The following ERVV-2 variants were observed in gnomAD, a reference collection of about 807,000 sequenced individuals.
The protein encoded by ERVV-2 is endogenous retrovirus group V member 2 Env polyprotein.
For synonymous variants in ERVV-2, 105 were observed against 184.6 expected (o/e 0.57, Z 3.49); for missense variants, 291 against 495.1 (o/e 0.59, Z 3.91).
chr19:53,051,136 C>CTTTTTTTTTTTTTTTTTTTTTT lies in ERVV-2; in HGVS notation c.*284_*305dup, dbSNP rs57887970. 28 of 110,010 alleles carry CTTTTTTTTTTTTTTTTTTTTTT rather than the reference C, an allele frequency of 2.5e-4. 3 individuals are homozygous for CTTTTTTTTTTTTTTTTTTTTTT. The highest frequency in any genetic ancestry group is 1.3e-3 in the African/African-American group (28 of 21,154). 6.8% of individuals were successfully genotyped at this position (110,010 alleles called of 1,614,324 possible). ...TAACCCATCCTAGAACAGCCTTTTG[C>CTTTTTTTTTTTTTTTTTTTTTT]TTTTTTTTTTTTTTTTTTTTTTTTT... On this transcript the variant is annotated 3_prime_UTR_variant, in exon 2 of 2. Coordinates refer to ENST00000601417, the MANE Select transcript of ERVV-2 (RefSeq NM_001191055.2).
At position 53,050,615 on chromosome 19, in the gene ERVV-2, A is replaced by C. The variant is rs777337894; in HGVS notation, c.1364A>C (p.Asn455Thr). The stretch of plus-strand genomic sequence containing the variant: ...GTGAAGTCTGCCCTCCCCTCCCTCA[A>C]CTGGTTTGTCCCTTTACTGGGACCA... ...EAVKSALPSL[N>T]WFVPLLGPAT... Residue 455 changes from asparagine to threonine, a missense_variant, in exon 2 of 2, where the codon AAC (asparagine) becomes ACC (threonine). By Grantham distance (65) the Asn-to-Thr change is moderately conservative (BLOSUM62 0). Coordinates refer to ENST00000601417, the MANE Select transcript of ERVV-2 (RefSeq NM_001191055.2). 3.4e-5 allele frequency: 41 copies of C among 1,210,606 alleles called. No individual in the cohort carries two copies. The highest frequency in any genetic ancestry group is 3.1e-4 in the South Asian group (24 of 77,680). The allele number at this position is 1,210,606 out of a possible 1,614,324, so 75.0% of individuals were successfully genotyped here.
chr19:53,050,177 C>T lies in ERVV-2; in HGVS notation c.926C>T (p.Thr309Ile), dbSNP rs974543708. Reference sequence around the variant, plus strand: ...TTGGGACCACGGGGGATAGGTGTGACCATTTATAACACCACCCAACCCAGA... The same window carrying T: ...TTGGGACCACGGGGGATAGGTGTGATCATTTATAACACCACCCAACCCAGA... ...GLLGPRGIGV[T>I]IYNTTQPRQK... Residue 309 changes from threonine to isoleucine, a missense_variant, in exon 2 of 2, where the codon ACC (threonine) becomes ATC (isoleucine). Transcript: ENST00000601417. The T allele has an allele frequency of 1.5e-6, 2 of 1,365,378 alleles. No homozygotes were observed. Among genetic ancestry groups the T allele is most frequent in the Non-Finnish European group, 2.0e-6 (2 of 1,000,212 alleles). The allele number at this position is 1,365,378 out of a possible 1,614,324, so 84.6% of individuals were successfully genotyped here.
rs976271262 is a variant in ERVV-2, at chr19:53,051,120, C to A, written c.*261C>A. 3.9e-5 allele frequency: 11 copies of A among 280,680 alleles called. No individual in the cohort carries two copies. Among genetic ancestry groups the A allele is most frequent in the Middle Eastern group, 1.0e-3 (1 of 960 alleles). The allele number at this position is 280,680 out of a possible 1,614,324, so 17.4% of individuals were successfully genotyped here. ...GTCAGCACTTCTCTAATAACCCATCCTAGAACAGCCTTTTGCTTTTTTTTT... is the reference window on the plus strand; with the variant it reads ...GTCAGCACTTCTCTAATAACCCATCATAGAACAGCCTTTTGCTTTTTTTTT... On this transcript the variant is annotated 3_prime_UTR_variant, in exon 2 of 2. Transcript: ENST00000601417.
At position 53,050,830 on chromosome 19, in the gene ERVV-2, C is replaced by T. The variant is rs528566052; in HGVS notation, c.1579C>T (p.Arg527Trp). ...CTTGGATGCCAGTGGGCAAAGATTC[C>T]GGGAAACTATGGAGGAATTTTCTCT... is the stretch of plus-strand genomic sequence containing the variant. The part of the protein sequence containing the change: ...SPLDASGQRF[R>W]ETMEEFSL The change falls in exon 2 of 2, where the codon CGG (arginine) becomes TGG (tryptophan). Residue 527 changes from arginine (R) to tryptophan (W), a missense_variant. Transcript: ENST00000601417. 4.3e-5 allele frequency: 66 copies of T among 1,533,750 alleles called. No individual in the cohort carries two copies. The highest frequency in any genetic ancestry group is 2.9e-4 in the African/African-American group (21 of 72,960).
chr19:53,048,895 G>A lies in ERVV-2; in HGVS notation c.-357G>A, dbSNP rs1450920287. 2.6e-5 allele frequency: 11 copies of A among 427,236 alleles called. No individual in the cohort carries two copies. Among genetic ancestry groups the A allele is most frequent in the Non-Finnish European group, 4.6e-5 (11 of 236,618 alleles). 26.5% of individuals were successfully genotyped at this position (427,236 alleles called of 1,614,324 possible). ...TCAACATTTCTGGCATCTCCAGTTG[G>A]ATACATCAGTCTCAAGTGAAACTGT... On this transcript the variant is annotated 5_prime_UTR_variant, in exon 2 of 2. Transcript: ENST00000601417.
intron 1 of ERVV-2, 130 bp downstream of exon 1, chr19:53,045,088 T>C (rs2083885467): frequency 6.6e-6 from 1 of 152,346 alleles, no homozygotes; most frequent in African/African-American, 2.4e-5. Context: ...CAGGCTCTGT[T>C]CACTAACGAC....
At position 53,050,404 on chromosome 19, in the gene ERVV-2, A is replaced by C; in HGVS notation, c.1153A>C (p.Arg385=). 1 of 764,162 alleles carries C rather than the reference A, an allele frequency of 1.3e-6. No homozygotes were observed. The highest frequency in any genetic ancestry group is 1.5e-5 in the South Asian group (1 of 68,792). 47.3% of individuals were successfully genotyped at this position (764,162 alleles called of 1,614,324 possible). Residue 385 remains arginine (R), a synonymous_variant, in exon 2 of 2, where the codon AGA becomes CGA. Transcript: ENST00000601417. Reference sequence around the variant, plus strand: ...TCTAGCAAATGTAGTCATGGACAACAGATTGGCCTTAGATTACCTCTTAGC... The same window carrying C: ...TCTAGCAAATGTAGTCATGGACAACCGATTGGCCTTAGATTACCTCTTAGC... ...DSLANVVMDN[R]LALDYLLAEQ... is the part of the protein sequence containing the mutation.
rs1039860523 is a variant in ERVV-2, at chr19:53,051,406, A to G, written c.*547A>G. 6.6e-6 allele frequency among the ~76,000 whole-genome samples: 1 copy of G among 151,958 alleles called. No individual in the cohort carries two copies. The highest frequency in any genetic ancestry group is 2.4e-5 in the African/African-American group (1 of 41,364). On this transcript the variant is annotated 3_prime_UTR_variant, in exon 2 of 2. Coordinates refer to ENST00000601417, the MANE Select transcript of ERVV-2 (RefSeq NM_001191055.2). ...GGTGATTCGCTCGCCTCGGCCTCCT[A>G]AAGTGCTGGGATTATAGACGTGAGC... is the stretch of plus-strand genomic sequence containing the variant.
Position 53,049,069 on chromosome 19 carries a change from C to A in ERVV-2, c.-183C>A, listed in dbSNP as rs1002428652. On this transcript the variant is annotated 5_prime_UTR_variant, in exon 2 of 2. Transcript: ENST00000601417. The stretch of plus-strand genomic sequence containing the variant: ...CCCAAAACTAAAGTCAATCTCAGTA[C>A]GGGGAATCTTGGTTGCGGTGGCATT... The A allele has an allele frequency of 4.1e-6, 3 of 726,222 alleles. No homozygotes were observed. Among genetic ancestry groups the A allele is most frequent in the African/African-American group, 3.6e-5 (2 of 55,436 alleles). 45.0% of individuals were successfully genotyped at this position (726,222 alleles called of 1,614,324 possible). A position where few individuals can be genotyped will look rare whatever the true frequency, so the allele number is the denominator to read the frequency against.
chr19:53,048,937 A>G lies in ERVV-2; in HGVS notation c.-315A>G. ...TGAAACTGTGGGAAGGTCCCGAAGA[A>G]CCACAGAAGAACAACAGAATTCAGC... is the stretch of plus-strand genomic sequence containing the variant. On this transcript the variant is annotated 5_prime_UTR_variant, in exon 2 of 2. Transcript: ENST00000601417. 1.9e-6 allele frequency: 1 copy of G among 520,784 alleles called. No individual in the cohort carries two copies. The highest frequency in any genetic ancestry group is 2.2e-5 in the South Asian group (1 of 45,744). 32.3% of individuals were successfully genotyped at this position (520,784 alleles called of 1,614,324 possible). A position where few individuals can be genotyped will look rare whatever the true frequency, so the allele number is the denominator to read the frequency against.
At chr19:53,045,652 G>A (rs2083888197) in intron 1 of ERVV-2, among the ~76,000 whole-genome samples, 1 of 152,038 alleles carries the variant, frequency 6.6e-6, no homozygotes, top group Non-Finnish European at 1.5e-5. Flanking sequence ...TCTTATACTT[G>A]CCATTCATGG....
At position 53,049,195 on chromosome 19, in the gene ERVV-2, C is replaced by T. The variant is rs1199026610; in HGVS notation, c.-57C>T. On this transcript the variant is annotated 5_prime_UTR_variant, in exon 2 of 2. Transcript: ENST00000601417. ...TCCATCGAACCACTTCATTATTTGT[C>T]TCTCCTATTTTCAGCACTTTCCTTT... 1 of 1,096,512 alleles carries T rather than the reference C, an allele frequency of 9.1e-7. No homozygotes were observed. Among genetic ancestry groups the T allele is most frequent in the Non-Finnish European group, 1.3e-6 (1 of 781,632 alleles). 67.9% of individuals were successfully genotyped at this position (1,096,512 alleles called of 1,614,324 possible). A position where few individuals can be genotyped will look rare whatever the true frequency, so the allele number is the denominator to read the frequency against.
chr19:53,045,238 T>C (rs7256955), intron 1 of ERVV-2, among the ~76,000 whole-genome samples: 53,635 of 151,208 alleles, frequency 0.35, 7,875 homozygotes, highest in Middle Eastern at 0.45. Context: ...GTGACCCTTC[T>C]TGCAGGAGGC....
chr19:53,050,946 C>T lies in ERVV-2; in HGVS notation c.*87C>T. The T allele has an allele frequency of 2.3e-6, 3 of 1,282,452 alleles. No individual in the cohort carries two copies. Among genetic ancestry groups the T allele is most frequent in the Non-Finnish European group, 3.1e-6 (3 of 959,946 alleles). The allele number at this position is 1,282,452 out of a possible 1,614,324, so 79.4% of individuals were successfully genotyped here. A position where few individuals can be genotyped will look rare whatever the true frequency, so the allele number is the denominator to read the frequency against. Reference sequence around the variant, plus strand: ...CAGAAGACCCACGACGTCCTTACAACCAGAGCTTTTCAGGGTCTCCATCTC... The same window carrying T: ...CAGAAGACCCACGACGTCCTTACAATCAGAGCTTTTCAGGGTCTCCATCTC... On this transcript the variant is annotated 3_prime_UTR_variant, in exon 2 of 2. Transcript: ENST00000601417.
chr19:53,046,120 G>A (rs542768165), intron 1 of ERVV-2, among the ~76,000 whole-genome samples: 2 of 152,090 alleles, frequency 1.3e-5, no homozygotes, highest in South Asian at 4.2e-4. Context: ...AAATTAGCCG[G>A]GCGTGGTGGC....
chr19:53,050,743 C>G lies in ERVV-2; in HGVS notation c.1492C>G (p.Gln498Glu), dbSNP rs1313143809. ...RIKQFHMKSP[Q>E]MERYQLSVIG... is the part of the protein sequence containing the mutation. Reference sequence around the variant, plus strand: ...AAAGCAATTTCACATGAAGTCCCCCCAAATGGAAAGATATCAGCTATCTGT... The same window carrying G: ...AAAGCAATTTCACATGAAGTCCCCCGAAATGGAAAGATATCAGCTATCTGT... Residue 498 changes from glutamine to glutamate, a missense_variant, in exon 2 of 2, where the codon CAA (glutamine) becomes GAA (glutamate). Transcript: ENST00000601417. The G allele has an allele frequency of 3.3e-6, 5 of 1,535,936 alleles. No individual in the cohort carries two copies. In the African/African-American group the frequency reaches 6.8e-5, roughly 21 times the overall value.
rs1048408307 is a variant in ERVV-2 at position 53,050,623 on chromosome 19, G to A, written c.1372G>A (p.Val458Ile). 42 of 1,271,426 alleles carry A rather than the reference G, an allele frequency of 3.3e-5. No homozygotes were observed. In the African/African-American group the frequency reaches 4.9e-4, roughly 15 times the overall value. The allele number at this position is 1,271,426 out of a possible 1,614,324, so 78.8% of individuals were successfully genotyped here. The change falls in exon 2 of 2, where the codon GTC becomes ATC. Residue 458 changes from valine (V) to isoleucine (I), a missense_variant. Val to Ile is a conservative substitution (Grantham distance 29, BLOSUM62 3). Coordinates refer to ENST00000601417, the MANE Select transcript of ERVV-2 (RefSeq NM_001191055.2). ...KSALPSLNWF[V>I]PLLGPATVIL... ...TGCCCTCCCCTCCCTCAACTGGTTT[G>A]TCCCTTTACTGGGACCAGCAACAGT... is the stretch of plus-strand genomic sequence containing the variant.
chr19:53,048,917 C>T lies in ERVV-2; in HGVS notation c.-335C>T, dbSNP rs1195322579. 6.3e-6 allele frequency: 3 copies of T among 475,124 alleles called. No homozygotes were observed. The highest frequency in any genetic ancestry group is 8.8e-5 in the East Asian group (2 of 22,650). 29.4% of individuals were successfully genotyped at this position (475,124 alleles called of 1,614,324 possible). A position where few individuals can be genotyped will look rare whatever the true frequency, so the allele number is the denominator to read the frequency against. On this transcript the variant is annotated 5_prime_UTR_variant, in exon 2 of 2. Coordinates refer to ENST00000601417, the MANE Select transcript of ERVV-2 (RefSeq NM_001191055.2). ...TTGGATACATCAGTCTCAAGTGAAACTGTGGGAAGGTCCCGAAGAACCACA... is the reference window on the plus strand; with the variant it reads ...TTGGATACATCAGTCTCAAGTGAAATTGTGGGAAGGTCCCGAAGAACCACA...
rs1292787657 is a variant in ERVV-2 at position 53,050,361 on chromosome 19, C to G, written c.1110C>G (p.Leu370=). The change falls in exon 2 of 2, where the codon CTC becomes CTG. Residue 370 remains leucine, a synonymous_variant. Coordinates refer to ENST00000601417, the MANE Select transcript of ERVV-2 (RefSeq NM_001191055.2). ...GTACCAGAGATAGCATCTCTAAACT[C>G]AAGGCCTCCATAGATTCTCTAGCAA... ...AKSTRDSISK[L]KASIDSLANV... is the part of the protein sequence containing the mutation. 9.6e-6 allele frequency: 7 copies of G among 732,850 alleles called. No individual in the cohort carries two copies. The highest frequency in any genetic ancestry group is 1.7e-5 in the Non-Finnish European group (7 of 412,838). The allele number at this position is 732,850 out of a possible 1,614,324, so 45.4% of individuals were successfully genotyped here.
Sources: allele counts gnomAD v4.1 joint callset (sites outside exome capture counted in the v4.1 genomes callset), GRCh38; gene constraint gnomAD v4.1.1; transcripts MANE v1.5; gene names NCBI Gene and HGNC (gene_info 2026-07-23, HGNC 2026-07-21).